Variants in FOXP2 observed in about 807,000 individuals in gnomAD.
FOXP2 encodes forkhead box protein P2.
In FOXP2, 12 loss-of-function variants were observed where a neutral mutation model predicts 115.8. The observed-to-expected ratio is 0.10, with a 90% CI of 0.07 to 0.17. The LOEUF (loss-of-function observed/expected upper bound fraction) is 0.17, where lower values mean the gene tolerates loss of function less well. Ranked by LOEUF, FOXP2 falls within the 10% of genes least tolerant of loss-of-function variation. The probability of loss-of-function intolerance (pLI) is 1.00; values close to 1 mark genes in which losing one functional copy is unlikely to be tolerated. For missense variants in FOXP2, 629 were observed against 843.5 expected, an observed-to-expected ratio of 0.75 and a Z score of 3.15; for synonymous variants, 328 against 297.7, an observed-to-expected ratio of 1.10 and a Z score of -1.05.
intron 16 of FOXP2, among the ~76,000 whole-genome samples, chr7:114,688,728 C>G (rs781431771): frequency 6.6e-6 from 1 of 152,170 alleles, no homozygotes; most frequent in Non-Finnish European, 1.5e-5. Flanking sequence ...CCCACCTCAA[C>G]TTGTGTTCCT....
chr7:114,547,104 C>A (rs556295494), intron 3 of FOXP2, among the ~76,000 whole-genome samples: 1 of 152,166 alleles, frequency 6.6e-6, no homozygotes, highest in East Asian at 1.9e-4. Flanking sequence ...GTCACATTAC[C>A]CAACTCTCTC....
intron 8 of FOXP2, chr7:114,645,007 A>G: frequency 2.3e-6 from 1 of 444,202 alleles, no homozygotes; most frequent in Non-Finnish European, 4.1e-6. Context: ...TTTTGAATGA[A>G]TGAAAAATAT....
In FOXP2 at chr7:114,692,645, T is replaced by C. The variant is rs1289938273; in HGVS notation, c.*2719T>C. 2 of 443,308 alleles carry C rather than the reference T, an allele frequency of 4.5e-6. No homozygotes were observed. The highest frequency in any genetic ancestry group is 9.0e-6 in the Non-Finnish European group (2 of 222,400). 27.5% of individuals were successfully genotyped at this position (443,308 alleles called of 1,614,324 possible). On this transcript the variant is annotated 3_prime_UTR_variant, in exon 17 of 17. Transcript: ENST00000350908. ...TATTGTAAGGCTTTGAACTAATGTA[T>C]GTATTTATTGCTTGAACTTCTGTGC...
At chr7:114,417,997 T>C (rs894715095) in intron 1 of FOXP2, among the ~76,000 whole-genome samples, 1 of 151,942 alleles carries the variant, frequency 6.6e-6, no homozygotes, top group Non-Finnish European at 1.5e-5. Flanking sequence ...GACATTGCAA[T>C]ACATTTTTCA....
chr7:114,483,128 C>G (rs771970989), intron 2 of FOXP2, among the ~76,000 whole-genome samples: 1 of 150,946 alleles, frequency 6.6e-6, no homozygotes, highest in Admixed American at 6.6e-5. Context: ...TTTTTTTTTC[C>G]AGTCAGTGAG....
At chr7:114,229,801 T>A (rs1463835523) in intron 1 of FOXP2, among the ~76,000 whole-genome samples, 1 of 145,548 alleles carries the variant, frequency 6.9e-6, no homozygotes, top group Admixed American at 6.8e-5. Flanking sequence ...AAAAGAAAAA[T>A]CCCAAATAAT....
At chr7:114,185,953 A>AT (rs1246110827) in intron 1 of FOXP2, among the ~76,000 whole-genome samples, 2 of 152,016 alleles carry the variant, frequency 1.3e-5, no homozygotes, top group Non-Finnish European at 2.9e-5. Flanking sequence ...TGGTAAGGGC[A>AT]TTTTTTGCTA....
chr7:114,646,986 A>T (rs1297322407), intron 8 of FOXP2, among the ~76,000 whole-genome samples: 4 of 151,928 alleles, frequency 2.6e-5, no homozygotes, highest in Non-Finnish European at 4.4e-5. Flanking sequence ...AAGCTGTGAA[A>T]GATTTTTAGT....
At position 114,426,680 on chromosome 7, in the gene FOXP2, G is replaced by A; in HGVS notation, c.168+1G>A. ...ACTGCTGCATCTGCAACAACAGCAG[G>A]TAAGTTTTGTTTTCCTCAGTGCTTC... On this transcript the variant is annotated splice_donor_variant, in intron 2 of 16. Coordinates refer to ENST00000350908, the MANE Select transcript of FOXP2 (RefSeq NM_014491.4). LOFTEE classifies it high-confidence loss of function. The A allele has an allele frequency of 6.2e-7, 1 of 1,610,662 alleles. No homozygotes were observed. Among genetic ancestry groups the A allele is most frequent in the South Asian group, 1.1e-5 (1 of 91,004 alleles).
At chr7:114,338,249 G>A (rs1217763546) in intron 2 of FOXP2, among the ~76,000 whole-genome samples, 2 of 150,786 alleles carry the variant, frequency 1.3e-5, no homozygotes, top group Non-Finnish European at 3.0e-5. Context: ...ATGTAACATT[G>A]AAATTTTGTA....
chr7:114,376,977 G>C (rs539043783), intron 2 of FOXP2, among the ~76,000 whole-genome samples: 1 of 152,230 alleles, frequency 6.6e-6, no homozygotes, highest in African/African-American at 2.4e-5. Flanking sequence ...TGGGAGTATT[G>C]TTGCATAGGA....
intron 1 of FOXP2, 129 bp from the exon 2 acceptor site, chr7:114,426,373 A>T (rs2129204972): frequency 2.5e-6 from 2 of 795,878 alleles, no homozygotes; most frequent in South Asian, 1.6e-5. Flanking sequence ...TTGGTAAATG[A>T]CTATTCAAGG....
At chr7:114,591,309 G>T (rs1251390534) in intron 3 of FOXP2, among the ~76,000 whole-genome samples, 3 of 151,934 alleles carry the variant, frequency 2.0e-5, no homozygotes, top group Admixed American at 2.0e-4. Context: ...TAACTGTATT[G>T]ATCAATCTAG....
chr7:114,550,073 AAATATGTTGTAC>A (rs1800124767), intron 3 of FOXP2, among the ~76,000 whole-genome samples: 1 of 151,744 alleles, frequency 6.6e-6, no homozygotes, highest in South Asian at 2.1e-4. Flanking sequence ...GAGGAGAGGG[AAATATGTTGTAC>A]ATTGAGAGCT....
At chr7:114,629,678 T>C (rs1290142279) in intron 4 of FOXP2, 127 bp from the exon 5 acceptor site, 1 of 1,601,728 alleles carries the variant, frequency 6.2e-7, no homozygotes, top group Admixed American at 1.7e-5. Flanking sequence ...CAATGTATAT[T>C]TTTTGTTGTT....
chr7:114,177,543 T>A (rs1270019926), intron 1 of FOXP2, among the ~76,000 whole-genome samples: 1 of 152,138 alleles, frequency 6.6e-6, no homozygotes, highest in Non-Finnish European at 1.5e-5. Context: ...TTTTTTACAA[T>A]CAAATAATAC....
At chr7:114,181,210 C>A (rs1171717880) in intron 1 of FOXP2, among the ~76,000 whole-genome samples, 3 of 151,180 alleles carry the variant, frequency 2.0e-5, no homozygotes, top group Non-Finnish European at 4.4e-5. Context: ...GGTGAAAGAT[C>A]AGGATGATTC....
intron 9 of FOXP2, 98 bp downstream of exon 9, chr7:114,652,388 T>A (rs1412250161): frequency 9.9e-7 from 1 of 1,011,322 alleles, no homozygotes; most frequent in African/African-American, 1.6e-5. Context: ...CATTTTACTG[T>A]CTTAGCCATT....
intron 2 of FOXP2, among the ~76,000 whole-genome samples, chr7:114,443,568 G>A (rs766191863): frequency 7.9e-5 from 12 of 152,074 alleles, no homozygotes; most frequent in Admixed American, 7.9e-4. Context: ...TTAGTTCTCA[G>A]CCTTCTCCCA....
Sources: gnomAD v4.1 joint callset for allele counts (sites outside exome capture counted in the v4.1 genomes callset) on GRCh38, gnomAD v4.1.1 for gene constraint, MANE v1.5 for transcripts, NCBI Gene and HGNC (gene_info 2026-07-23, HGNC 2026-07-21) for gene names.